TDRD5: variants seen among roughly 807,000 people sequenced by gnomAD.
The protein encoded by TDRD5 is tudor domain containing 5.
In TDRD5, 41 loss-of-function variants were observed where a neutral mutation model predicts 120.6. The observed-to-expected ratio is 0.34, with a 90% CI of 0.26 to 0.44. The LOEUF (loss-of-function observed/expected upper bound fraction) is 0.44. Ranked by LOEUF, TDRD5 falls within the 20% of genes least tolerant of loss-of-function variation. The pLI, the probability that TDRD5 is intolerant of heterozygous loss-of-function variation, is 1.00. For synonymous variants in TDRD5, 430 were observed against 433.7 expected, an observed-to-expected ratio of 0.99 and a Z score of 0.11; for missense variants, 1,006 against 1,221.2, an observed-to-expected ratio of 0.82 and a Z score of 2.63.
intron 14 of TDRD5, among the ~76,000 whole-genome samples, chr1:179,658,301 G>A (rs1414496074): frequency 1.3e-5 from 2 of 152,088 alleles, no homozygotes; most frequent in African/African-American, 4.8e-5. Flanking sequence ...TCTATTTTCT[G>A]GAAAAGGTTA....
chr1:179,615,327 T>C (rs1459005687), intron 4 of TDRD5, among the ~76,000 whole-genome samples: 1 of 152,170 alleles, frequency 6.6e-6, no homozygotes, highest in East Asian at 1.9e-4. Flanking sequence ...TTTTATAATT[T>C]GATGGGCAAA....
chr1:179,648,454 G>C (rs965283351), intron 11 of TDRD5, among the ~76,000 whole-genome samples: 2 of 68,846 alleles, frequency 2.9e-5, no homozygotes, highest in African/African-American at 1.0e-4. Context: ...TTGTGGGGTG[G>C]GGGGGGGGAG....
intron 7 of TDRD5, among the ~76,000 whole-genome samples, 193 bp downstream of exon 7, chr1:179,631,113 C>T (rs1351192741): frequency 3.9e-5 from 6 of 152,054 alleles, no homozygotes; most frequent in East Asian, 1.9e-4. Flanking sequence ...TTTCTTGGGC[C>T]GGGTGCAGTG....
intron 9 of TDRD5, among the ~76,000 whole-genome samples, chr1:179,639,520 G>A (rs955587955): frequency 6.6e-6 from 1 of 152,200 alleles, no homozygotes; most frequent in African/African-American, 2.4e-5. Context: ...CTGGATTTGG[G>A]AGCTATCAGG....
chr1:179,655,237 G>T (rs181302207), intron 14 of TDRD5, among the ~76,000 whole-genome samples: 2 of 152,034 alleles, frequency 1.3e-5, no homozygotes, highest in African/African-American at 4.8e-5. Flanking sequence ...CTCTTTCATC[G>T]CCTTACCACC....
Position 179,639,889 on chromosome 1 carries a change from G to C in TDRD5, c.1571G>C (p.Cys524Ser). ...TCTGATCGATATGTCATGCCAGAAT[G>C]TTTTATTCAGCCGGGACATCTCTGT... Reference protein sequence around the residue: ...LVSDRYVMPECFIQPGHLCCV... With the variant: ...LVSDRYVMPESFIQPGHLCCV... Residue 524 changes from cysteine to serine, a missense_variant, in exon 10 of 18, where the codon TGT becomes TCT. This residue lies in a region of TDRD5 where 158 missense variants were observed against 257.5 expected (regional missense o/e 0.61). Transcript: ENST00000444136. 1 of 1,614,134 alleles carries C rather than the reference G, an allele frequency of 6.2e-7. No individual in the cohort carries two copies. The highest frequency in any genetic ancestry group is 8.5e-7 in the Non-Finnish European group (1 of 1,180,004).
intron 17 of TDRD5, among the ~76,000 whole-genome samples, chr1:179,670,352 A>G (rs1679796533): frequency 6.6e-6 from 1 of 151,866 alleles, no homozygotes; most frequent in African/African-American, 2.4e-5. Context: ...AGATCGTGCC[A>G]CTACACTCCA....
chr1:179,604,844 A>G (rs1181978498), intron 4 of TDRD5, among the ~76,000 whole-genome samples: 1 of 152,142 alleles, frequency 6.6e-6, no homozygotes, highest in East Asian at 1.9e-4. Context: ...TAAAATGTGT[A>G]TTCTGCAGTT....
At chr1:179,599,903 C>CAT (rs1675613099) in intron 4 of TDRD5, among the ~76,000 whole-genome samples, 1 of 152,036 alleles carries the variant, frequency 6.6e-6, no homozygotes, top group Admixed American at 6.5e-5. Context: ...TGGTGACAGT[C>CAT]ATATATATAG....
At chr1:179,628,286 G>A (rs1388640418) in intron 6 of TDRD5, among the ~76,000 whole-genome samples, 1 of 146,572 alleles carries the variant, frequency 6.8e-6, no homozygotes, top group Non-Finnish European at 1.5e-5. Flanking sequence ...GGTGGGAGTA[G>A]AAATATATCA....
chr1:179,634,708 AT>A, intron 8 of TDRD5, 79 bp downstream of exon 8: 1 of 1,457,202 alleles, frequency 6.9e-7, no homozygotes, highest in Non-Finnish European at 9.1e-7. Flanking sequence ...TTAAACCAAA[AT>A]TCTTTTTAGA....
At chr1:179,640,156 A>G (rs763012328) in intron 10 of TDRD5, 105 bp downstream of exon 10, 1 of 1,264,498 alleles carries the variant, frequency 7.9e-7, no homozygotes, top group South Asian at 1.4e-5. Context: ...CCTCCCTCCA[A>G]TCCTTCCTTC....
Position 179,600,349 on chromosome 1 carries a change from T to C in TDRD5, c.831+4531T>C, listed in dbSNP as rs75855399. Among the ~76,000 whole-genome samples, 1,250 of 152,314 alleles carry C rather than the reference T, an allele frequency of 8.2e-3. 16 individuals are homozygous for C. The highest frequency in any genetic ancestry group is 0.029 in the African/African-American group (1,196 of 41,582). On this transcript the variant is annotated intron_variant, in intron 4 of 17. Coordinates refer to ENST00000444136, the MANE Select transcript of TDRD5 (RefSeq NM_001199085.3). ...TTTTACTGTACCTCTTGTGTTTAGA[T>C]ACACAAATGCTACTGTGTTACAGTT...
chr1:179,675,255 T>TTTATTA lies in TDRD5; in HGVS notation c.2860+5866_2860+5871dup, dbSNP rs1219898193. 3.7e-3 allele frequency among the ~76,000 whole-genome samples: 430 copies of TTTATTA among 116,344 alleles called. 5 individuals carry two copies. The highest frequency in any genetic ancestry group is 0.015 in the Middle Eastern group (3 of 196). The allele number at this position is 116,344 out of a possible 152,430, so 76.3% of individuals were successfully genotyped here. A position where few individuals can be genotyped will look rare whatever the true frequency, so the allele number is the denominator to read the frequency against. On this transcript the variant is annotated intron_variant, in intron 17 of 17. Transcript: ENST00000444136. ...ATTGTATCATTCAGTTCAAAGAATTTTTATTATTATTATTATTATTTTTTT... is the reference window on the plus strand; with the variant it reads ...ATTGTATCATTCAGTTCAAAGAATTTTTATTATTATTATTATTATTATTATTTTTTT...
chr1:179,595,476 G>T, intron 3 of TDRD5, 152 bp from the exon 4 acceptor site: 2 of 583,870 alleles, frequency 3.4e-6, no homozygotes, highest in South Asian at 2.9e-5. Context: ...TGTAAGTTTT[G>T]GCTTGATGTA....
In TDRD5 at chr1:179,651,085, T is replaced by C; in HGVS notation, c.2001+18T>C. ...CTTCTAAGGTGGAGCAGTCTGGATG[T>C]ATTTTGTAATATATTTTGTTTAATT... On this transcript the variant is annotated intron_variant, in intron 12 of 17. Transcript: ENST00000444136. 1 of 1,611,592 alleles carries C rather than the reference T, an allele frequency of 6.2e-7. No individual in the cohort carries two copies. Among genetic ancestry groups the C allele is most frequent in the Non-Finnish European group, 8.5e-7 (1 of 1,178,686 alleles).
intron 11 of TDRD5, among the ~76,000 whole-genome samples, chr1:179,648,965 T>C (rs550524337): frequency 2.0e-5 from 3 of 152,270 alleles, no homozygotes; most frequent in South Asian, 2.1e-4. Flanking sequence ...TTTTCACTTA[T>C]TGTAGAAACA....
At position 179,607,767 on chromosome 1, in the gene TDRD5, G is replaced by T. The variant is rs150873604; in HGVS notation, c.832-10832G>T. On this transcript the variant is annotated intron_variant, in intron 4 of 17. Transcript: ENST00000444136. ...CTTAATACATTGTTATTTTTGCTTA[G>T]AAAATGTTTAAGGTAAATAGAAATA... is the stretch of plus-strand genomic sequence containing the variant. Among the ~76,000 whole-genome samples, 691 of 151,246 alleles carry T rather than the reference G, an allele frequency of 4.6e-3. 5 individuals are homozygous for T. The highest frequency in any genetic ancestry group is 0.016 in the African/African-American group (655 of 41,228).
intron 16 of TDRD5, among the ~76,000 whole-genome samples, chr1:179,664,384 T>C (rs2147766419): frequency 6.6e-6 from 1 of 152,294 alleles, no homozygotes; most frequent in East Asian, 1.9e-4. Context: ...GATACACAGC[T>C]GTGCAGCTAT....
Sources: allele counts gnomAD v4.1 joint callset (sites outside exome capture counted in the v4.1 genomes callset), GRCh38; gene constraint gnomAD v4.1.1; regional missense constraint gnomAD v4.1.1; transcripts MANE v1.5; gene names NCBI Gene and HGNC (gene_info 2026-07-23, HGNC 2026-07-21).